The following SH3GL1 variants were observed in gnomAD, a reference collection of about 807,000 sequenced individuals.
The protein encoded by SH3GL1 is SH3 domain containing GRB2 like 1, endophilin A2.
Under a neutral mutation model 48.8 loss-of-function variants are expected in SH3GL1, and 21 were observed. That is an observed-to-expected ratio of 0.43 (90% confidence interval 0.30 to 0.62). The LOEUF is 0.62. Among genes scored for constraint, SH3GL1 ranks in the 20% least tolerant of loss-of-function variants. The probability of loss-of-function intolerance (pLI) is 0.11; values close to 1 mark genes in which losing one functional copy is unlikely to be tolerated. For synonymous variants in SH3GL1, 282 were observed against 217.5 expected (o/e 1.30, Z -2.61); for missense variants, 454 against 503.0 (o/e 0.90, Z 0.93).
intron 1 of SH3GL1, among the ~76,000 whole-genome samples, chr19:4,369,882 C>T (rs1398067912): frequency 1.3e-5 from 2 of 152,248 alleles, no homozygotes; most frequent in Admixed American, 6.5e-5. Context: ...GGCTTATGGG[C>T]TAGAAACCAG....
chr19:4,374,535 C>T (rs1972967064), intron 1 of SH3GL1, among the ~76,000 whole-genome samples: 3 of 152,236 alleles, frequency 2.0e-5, no homozygotes, highest in Admixed American at 6.5e-5. Flanking sequence ...GCAGGGCCTG[C>T]ATCCCGGAAG....
intron 1 of SH3GL1, among the ~76,000 whole-genome samples, chr19:4,386,594 TC>T (rs1218942855): frequency 6.9e-6 from 1 of 145,148 alleles, no homozygotes. Context: ...TGCCTCTGCC[TC>T]CCTCAGAGCT....
intron 1 of SH3GL1, among the ~76,000 whole-genome samples, chr19:4,388,776 G>T (rs1973281780): frequency 6.6e-6 from 1 of 152,202 alleles, no homozygotes; most frequent in African/African-American, 2.4e-5. Flanking sequence ...GTCTGGGCTT[G>T]GCTTCTTAGG....
intron 1 of SH3GL1, among the ~76,000 whole-genome samples, chr19:4,388,378 C>G (rs528082809): frequency 6.6e-6 from 1 of 152,238 alleles, no homozygotes; most frequent in East Asian, 1.9e-4. Context: ...CACATTTGAA[C>G]GCTGGGACAG....
chr19:4,385,384 C>A (rs181427831), intron 1 of SH3GL1, among the ~76,000 whole-genome samples: 107 of 152,292 alleles, frequency 7.0e-4, no homozygotes, highest in Non-Finnish European at 1.4e-3. Flanking sequence ...TGGTGCCGAC[C>A]AGCGTGTGGC....
At chr19:4,384,833 G>A (rs762009819) in intron 1 of SH3GL1, among the ~76,000 whole-genome samples, 1 of 152,244 alleles carries the variant, frequency 6.6e-6, no homozygotes, top group Non-Finnish European at 1.5e-5. Context: ...AGCAGGTGCG[G>A]TGGCTTACGC....
chr19:4,383,360 G>A (rs774676957), intron 1 of SH3GL1, among the ~76,000 whole-genome samples: 48 of 151,870 alleles, frequency 3.2e-4, no homozygotes, highest in Admixed American at 3.9e-4. Flanking sequence ...GACTACAGGC[G>A]TGCATCACCA....
intron 1 of SH3GL1, among the ~76,000 whole-genome samples, chr19:4,369,092 A>G (rs1318209929): frequency 1.3e-5 from 2 of 152,176 alleles, no homozygotes; most frequent in Admixed American, 6.5e-5. Flanking sequence ...AGAAAGAAAA[A>G]AAAAATCACC....
chr19:4,361,144 A>G lies in SH3GL1; in HGVS notation c.*456T>C, dbSNP rs1245054881. On this transcript the variant is annotated 3_prime_UTR_variant, in exon 10 of 10. Coordinates refer to ENST00000269886, the MANE Select transcript of SH3GL1 (RefSeq NM_003025.4). ...GGGAGGGATTTAAAACCAGGGTCCT[A>G]TCTCTGAGCCACCCCATGGGGACCC... 7.8e-6 allele frequency: 2 copies of G among 257,398 alleles called. No homozygotes were observed. The highest frequency in any genetic ancestry group is 5.9e-5 in the East Asian group (1 of 16,844). 15.9% of individuals were successfully genotyped at this position (257,398 alleles called of 1,614,324 possible). A position where few individuals can be genotyped will look rare whatever the true frequency, so the allele number is the denominator to read the frequency against.
intron 1 of SH3GL1, among the ~76,000 whole-genome samples, chr19:4,368,749 G>A (rs2144873048): frequency 6.6e-6 from 1 of 152,288 alleles, no homozygotes; most frequent in African/African-American, 2.4e-5. Context: ...TCTCAACTCA[G>A]CCACACAGCA....
intron 1 of SH3GL1, among the ~76,000 whole-genome samples, chr19:4,393,499 T>C (rs946812577): frequency 1.3e-5 from 2 of 151,000 alleles, no homozygotes; most frequent in African/African-American, 4.9e-5. Context: ...AATTAAAAAA[T>C]AAATAAAAAT....
chr19:4,362,059 G>A (rs887918263), intron 9 of SH3GL1, among the ~76,000 whole-genome samples: 1 of 152,234 alleles, frequency 6.6e-6, no homozygotes. Flanking sequence ...TGCGGTGACA[G>A]GGAGTGACCA....
At chr19:4,364,342 G>T in intron 4 of SH3GL1, 121 bp from the exon 5 acceptor site, 1 of 1,279,828 alleles carries the variant, frequency 7.8e-7, no homozygotes, top group Non-Finnish European at 1.1e-6. Context: ...CGCTGTACCA[G>T]CTCACTGCAG....
chr19:4,370,007 T>C (rs459906), intron 1 of SH3GL1, among the ~76,000 whole-genome samples: 96,198 of 152,228 alleles, frequency 0.63, 31,065 homozygotes, highest in African/African-American at 0.75. Flanking sequence ...TCCTGCCCGC[T>C]GGGGCCCTAC....
Position 4,361,662 on chromosome 19 carries a change from C to A in SH3GL1, c.1045G>T (p.Asp349Tyr). The A allele has an allele frequency of 6.2e-7, 1 of 1,612,138 alleles. No homozygotes were observed. Residue 349 changes from aspartate (D) to tyrosine (Y), a missense_variant, in exon 10 of 10, where the codon GAC becomes TAC. Coordinates refer to ENST00000269886, the MANE Select transcript of SH3GL1 (RefSeq NM_003025.4). ...IDENWYEGML[D>Y]GQSGFFPLSY... ...AGCGGGAAGAAGCCCGACTGGCCGT[C>A]CAGCATGCCCTCGTACCAGTTCTCA...
Position 4,363,737 on chromosome 19 carries a change from T to C in SH3GL1, c.607A>G (p.Asn203Asp). ...SKEVAETSMH[N>D]LLETDIEQVS... ...CTACTCACGTCAGTCTCCAGGAGGTTGTGCATGCTGGTTTCTGCCACCTCC... is the reference window on the plus strand; with the variant it reads ...CTACTCACGTCAGTCTCCAGGAGGTCGTGCATGCTGGTTTCTGCCACCTCC... The change falls in exon 6 of 10, where the codon AAC becomes GAC. Residue 203 changes from asparagine to aspartate, a missense_variant. Transcript: ENST00000269886. 1 of 1,613,616 alleles carries C rather than the reference T, an allele frequency of 6.2e-7. No homozygotes were observed. The highest frequency in any genetic ancestry group is 1.1e-5 in the South Asian group (1 of 91,050).
intron 1 of SH3GL1, among the ~76,000 whole-genome samples, chr19:4,399,944 C>G (rs974349522): frequency 6.6e-6 from 1 of 152,192 alleles, no homozygotes. Context: ...CTGCTCTAGA[C>G]GCAACTTTTC....
intron 1 of SH3GL1, among the ~76,000 whole-genome samples, chr19:4,399,215 G>A (rs1319730881): frequency 1.3e-5 from 2 of 151,168 alleles, no homozygotes; most frequent in African/African-American, 4.9e-5. Context: ...AGCTACTGGG[G>A]AGGCTGAGGC....
chr19:4,396,600 G>GTC (rs944698160), intron 1 of SH3GL1, among the ~76,000 whole-genome samples: 1 of 152,016 alleles, frequency 6.6e-6, no homozygotes, highest in Admixed American at 6.6e-5. Context: ...TAGGAAAATC[G>GTC]TAAGAATGGC....
Sources: allele counts gnomAD v4.1 joint callset (sites outside exome capture counted in the v4.1 genomes callset), GRCh38; gene constraint gnomAD v4.1.1; transcripts MANE v1.5; gene names NCBI Gene and HGNC (gene_info 2026-07-23, HGNC 2026-07-21).